Variants in FDX1 observed in about 807,000 individuals in gnomAD.
FDX1 encodes the protein adrenodoxin, mitochondrial.
A neutral mutation model predicts 14.9 loss-of-function variants in FDX1; 9 were observed. That is an observed-to-expected ratio of 0.60 (90% CI 0.36 to 1.05). The LOEUF (loss-of-function observed/expected upper bound fraction) is 1.05. FDX1 is among the 50% of genes least tolerant of loss of function. The probability of loss-of-function intolerance (pLI) is 0.01; values close to 1 mark genes in which losing one functional copy is unlikely to be tolerated. For synonymous variants in FDX1, 92 were observed against 99.4 expected (o/e 0.93, Z 0.44); for missense variants, 204 against 237.2 (o/e 0.86, Z 0.92).
At chr11:110,447,052 G>A (rs1370251508) in intron 2 of FDX1, among the ~76,000 whole-genome samples, 1 of 151,708 alleles carries the variant, frequency 6.6e-6, no homozygotes, top group Non-Finnish European at 1.5e-5. Flanking sequence ...GCGTGCACCT[G>A]TAATTTCAGC....
intron 2 of FDX1, among the ~76,000 whole-genome samples, chr11:110,436,292 A>T (rs73564141): frequency 0.013 from 1,996 of 152,260 alleles, 47 homozygotes; most frequent in African/African-American, 0.046. Context: ...GGGGTACTTA[A>T]ATATCTTGAA....
chr11:110,444,630 ATATGTG>A (rs1451991509), intron 2 of FDX1, among the ~76,000 whole-genome samples: 15 of 98,462 alleles, frequency 1.5e-4, no homozygotes, highest in Non-Finnish European at 2.5e-4. Flanking sequence ...AAAAGAAAAT[ATATGTG>A]TGTGTGTGTG....
rs1946527775 is a variant in FDX1 at position 110,457,162 on chromosome 11, A to G, written c.440+115A>G. ...GTAATAGTGTTCTACCAGGTTAAAT[A>G]ACAGTCACAGATTTTGAGTATCAGA... On this transcript the variant is annotated intron_variant, in intron 3 of 3. Coordinates refer to ENST00000260270, the MANE Select transcript of FDX1 (RefSeq NM_004109.5). The G allele has an allele frequency of 1.4e-5, 12 of 873,606 alleles. No homozygotes were observed. In the South Asian group the frequency reaches 2.2e-4, roughly 16 times the overall value. 54.1% of individuals were successfully genotyped at this position (873,606 alleles called of 1,614,324 possible).
Position 110,446,427 on chromosome 11 carries a change from T to C in FDX1, c.310+10469T>C, listed in dbSNP as rs368644016. Among the ~76,000 whole-genome samples, 5 of 152,220 alleles carry C rather than the reference T, an allele frequency of 3.3e-5. No homozygotes were observed. In the East Asian group the frequency reaches 9.6e-4, roughly 29 times the overall value. ...TCATCCGTTCTGTGACCTTAAATCC[T>C]TTCTAGATATTGATAAACTCTTAAA... On this transcript the variant is annotated intron_variant, in intron 2 of 3. Transcript: ENST00000260270.
At position 110,463,902 on chromosome 11, in the gene FDX1, T is replaced by G. The variant is rs555846041; in HGVS notation, c.*1434T>G. The G allele has an allele frequency of 2.0e-5, 3 of 151,090 alleles. No individual in the cohort carries two copies. Among genetic ancestry groups the G allele is most frequent in the Admixed American group, 1.3e-4 (2 of 15,194 alleles). The allele number at this position is 151,090 out of a possible 1,614,324, so 9.4% of individuals were successfully genotyped here. ...ATGCTTAATAACTATTGAGTAGTTT[T>G]TTTTTTTTTTTTTTGGTGGGGGGAG... On this transcript the variant is annotated 3_prime_UTR_variant, in exon 4 of 4. Transcript: ENST00000260270.
rs1946576792 is a variant in FDX1 at position 110,463,994 on chromosome 11, C to T, written c.*1526C>T. 6.7e-6 allele frequency: 1 copy of T among 149,414 alleles called. No individual in the cohort carries two copies. Among genetic ancestry groups the T allele is most frequent in the Non-Finnish European group, 1.5e-5 (1 of 67,702 alleles). 9.3% of individuals were successfully genotyped at this position (149,414 alleles called of 1,614,324 possible). The stretch of plus-strand genomic sequence containing the variant: ...ATAGTATGATCTCGGCTCACTGCAA[C>T]TTCTGCCTCCCAGTTTCAAGGGATT... On this transcript the variant is annotated 3_prime_UTR_variant, in exon 4 of 4. Transcript: ENST00000260270.
intron 2 of FDX1, among the ~76,000 whole-genome samples, chr11:110,453,472 T>C (rs1946499596): frequency 2.1e-5 from 2 of 93,878 alleles, no homozygotes; most frequent in Admixed American, 9.1e-5. Flanking sequence ...AAGGAGTAAC[T>C]TTTTTTTTTT....
At chr11:110,444,446 T>C (rs1946424933) in intron 2 of FDX1, among the ~76,000 whole-genome samples, 1 of 151,348 alleles carries the variant, frequency 6.6e-6, no homozygotes, top group Admixed American at 6.6e-5. Context: ...TGAAGCCCCA[T>C]CTCTACTAAA....
intron 1 of FDX1, among the ~76,000 whole-genome samples, chr11:110,432,349 T>G (rs970469550): frequency 2.0e-5 from 3 of 152,178 alleles, no homozygotes; most frequent in Admixed American, 6.5e-5. Flanking sequence ...TCATATTAAG[T>G]AGCTGGCAAA....
intron 2 of FDX1, among the ~76,000 whole-genome samples, chr11:110,453,978 G>A (rs1339919718): frequency 6.6e-6 from 1 of 152,104 alleles, no homozygotes; most frequent in Admixed American, 6.6e-5. Flanking sequence ...AGGATAAATT[G>A]TTGGCAAGTT....
chr11:110,463,479 T>A lies in FDX1; in HGVS notation c.*1011T>A, dbSNP rs536054193. On this transcript the variant is annotated 3_prime_UTR_variant, in exon 4 of 4. Transcript: ENST00000260270. ...ACTCTTATCTTTACTATAAATAAATTCATAAAAGTTAACAAAGGGGTACAC... is the reference window on the plus strand; with the variant it reads ...ACTCTTATCTTTACTATAAATAAATACATAAAAGTTAACAAAGGGGTACAC... The A allele has an allele frequency of 2.2e-4, 34 of 152,324 alleles. No individual in the cohort carries two copies. The highest frequency in any genetic ancestry group is 7.7e-4 in the African/African-American group (32 of 41,560). 9.4% of individuals were successfully genotyped at this position (152,324 alleles called of 1,614,324 possible).
chr11:110,443,887 A>G (rs1253302693), intron 2 of FDX1, among the ~76,000 whole-genome samples: 1 of 150,950 alleles, frequency 6.6e-6, no homozygotes, highest in African/African-American at 2.4e-5. Flanking sequence ...GTGTCTGTTC[A>G]TGTCCTTTGC....
intron 1 of FDX1, among the ~76,000 whole-genome samples, chr11:110,431,090 A>T (rs1946327793): frequency 6.8e-6 from 1 of 146,318 alleles, no homozygotes; most frequent in Admixed American, 7.0e-5. Flanking sequence ...GGCTCAGTAG[A>T]TGCCACTTGG....
chr11:110,443,328 T>C (rs1946417462), intron 2 of FDX1, among the ~76,000 whole-genome samples: 1 of 151,982 alleles, frequency 6.6e-6, no homozygotes, highest in African/African-American at 2.4e-5. Flanking sequence ...TATGTAAAGC[T>C]TTCAGCACTA....
chr11:110,447,539 GC>G (rs1339308702), intron 2 of FDX1, among the ~76,000 whole-genome samples: 1 of 152,060 alleles, frequency 6.6e-6, no homozygotes, highest in Non-Finnish European at 1.5e-5. Flanking sequence ...GCATTATCTG[GC>G]CCCATCTGCC....
At chr11:110,431,606 G>C (rs999569966) in intron 1 of FDX1, among the ~76,000 whole-genome samples, 9 of 152,172 alleles carry the variant, frequency 5.9e-5, no homozygotes, top group African/African-American at 2.2e-4. Context: ...ACCAGTGTGG[G>C]TACCTTGCTT....
At chr11:110,436,035 TGAAGAA>T in intron 2 of FDX1, 77 bp downstream of exon 2, 2 of 1,320,304 alleles carry the variant, frequency 1.5e-6, no homozygotes, top group Non-Finnish European at 2.1e-6. Context: ...TTTTTTTTTT[TGAAGAA>T]GTTTAACCTA....
In FDX1 at chr11:110,435,816, G is replaced by T; in HGVS notation, c.186-18G>T. On this transcript the variant is annotated intron_variant, in intron 1 of 3. Transcript: ENST00000260270. ...TTTGAAATTACTAAAAATACTAAAG[G>T]ACTGTTTTTTTTTCCAGCTCAGAAG... 6.4e-7 allele frequency: 1 copy of T among 1,573,412 alleles called. No homozygotes were observed. The highest frequency in any genetic ancestry group is 1.2e-5 in the South Asian group (1 of 86,018).
At position 110,463,759 on chromosome 11, in the gene FDX1, A is replaced by G. The variant is rs1434148383; in HGVS notation, c.*1291A>G. The G allele has an allele frequency of 1.3e-5, 2 of 152,260 alleles. No homozygotes were observed. The highest frequency in any genetic ancestry group is 2.9e-5 in the Non-Finnish European group (2 of 68,050). 9.4% of individuals were successfully genotyped at this position (152,260 alleles called of 1,614,324 possible). A position where few individuals can be genotyped will look rare whatever the true frequency, so the allele number is the denominator to read the frequency against. On this transcript the variant is annotated 3_prime_UTR_variant, in exon 4 of 4. Transcript: ENST00000260270. ...AATTCACCTTTTATTAGGAAAATAT[A>G]AAATATGTATGTATGTGCAGATAAT...
Sources: allele counts gnomAD v4.1 joint callset (sites outside exome capture counted in the v4.1 genomes callset), GRCh38; gene constraint gnomAD v4.1.1; transcripts MANE v1.5; gene names NCBI Gene and HGNC (gene_info 2026-07-23, HGNC 2026-07-21).